Variants in NPR2 observed in about 807,000 individuals in gnomAD.
NPR2 encodes natriuretic peptide receptor 2.
Under a neutral mutation model 120.7 loss-of-function variants are expected in NPR2, and 49 were observed. The observed-to-expected ratio is 0.41, with a 90% CI of 0.32 to 0.52. The LOEUF is 0.52. Among genes scored for constraint, NPR2 ranks in the 20% least tolerant of loss-of-function variants. The probability of loss-of-function intolerance (pLI) is 0.36; values close to 1 mark genes in which losing one functional copy is unlikely to be tolerated. For synonymous variants in NPR2, 484 were observed against 519.8 expected (o/e 0.93, Z 0.94); for missense variants, 931 against 1,362.9 (o/e 0.68, Z 4.99).
rs937721911 is a variant in NPR2 at position 35,809,088 on chromosome 9, C to T, written c.2987-68C>T. ...GGTCGGGCACGGTGCTATACAGTAT[C>T]ACCAATTATTTGATTGCCTTTTCTT... On this transcript the variant is annotated intron_variant, in intron 20 of 21. Transcript: ENST00000342694. This position sits in a 1 kb window ranked among gnomAD's most constrained non-coding sequence, Gnocchi z 4.1. 3 of 1,423,062 alleles carry T rather than the reference C, an allele frequency of 2.1e-6. No individual in the cohort carries two copies. Among genetic ancestry groups the T allele is most frequent in the Non-Finnish European group, 2.0e-6 (2 of 1,007,520 alleles). The allele number at this position is 1,423,062 out of a possible 1,614,324, so 88.2% of individuals were successfully genotyped here.
intron 2 of NPR2, among the ~76,000 whole-genome samples, chr9:35,797,606 C>T (rs1455848739): frequency 6.6e-6 from 1 of 152,220 alleles, no homozygotes; most frequent in Non-Finnish European, 1.5e-5. Flanking sequence ...CCCACCACTG[C>T]ACCCATTTGT....
chr9:35,804,512 C>T (rs1475504460), intron 12 of NPR2, among the ~76,000 whole-genome samples: 1 of 152,188 alleles, frequency 6.6e-6, no homozygotes, highest in Non-Finnish European at 1.5e-5. Context: ...GGATTACAGG[C>T]ATGAGCCACT....
At position 35,792,822 on chromosome 9, in the gene NPR2, C is replaced by T. The variant is rs563276788; in HGVS notation, c.414C>T (p.Thr138=). The T allele has an allele frequency of 1.2e-6, 2 of 1,614,164 alleles. No individual in the cohort carries two copies. Among genetic ancestry groups the T allele is most frequent in the East Asian group, 2.2e-5 (1 of 44,878 alleles). Residue 138 remains threonine, a synonymous_variant, in exon 1 of 22, where the codon ACC becomes ACT. Transcript: ENST00000342694. ...GFSAKNDHYR[T]LVRTGPSAPK... ...CGGCTAAGAATGACCATTATCGTAC[C>T]CTGGTTCGCACTGGCCCCTCTGCTC...
Position 35,808,078 on chromosome 9 carries a change from T to C in NPR2, c.2713-431T>C. 2 of 886,120 alleles carry C rather than the reference T, an allele frequency of 2.3e-6. No homozygotes were observed. Among genetic ancestry groups the C allele is most frequent in the African/African-American group, 1.7e-5 (1 of 60,508 alleles). 54.9% of individuals were successfully genotyped at this position (886,120 alleles called of 1,614,324 possible). On this transcript the variant is annotated intron_variant, in intron 18 of 21. Transcript: ENST00000342694. The surrounding 1 kb of genome is among the most constrained non-coding windows in gnomAD (Gnocchi z 4.0). Reference sequence around the variant, plus strand: ...AAACAATGGCATTTATTCTCTTACATAGCTTTGGCACAATTACCAAAATCA... The same window carrying C: ...AAACAATGGCATTTATTCTCTTACACAGCTTTGGCACAATTACCAAAATCA...
Position 35,793,137 on chromosome 9 carries a change from A to G in NPR2, c.667+62A>G, listed in dbSNP as rs1253630729. ...GAGGGTCGCTGTGTCCCTAAAGCTC[A>G]GCACTGGGGAACTGTAGATGGAGAT... On this transcript the variant is annotated intron_variant, in intron 1 of 21. Transcript: ENST00000342694. 3 of 1,472,558 alleles carry G rather than the reference A, an allele frequency of 2.0e-6. No individual in the cohort carries two copies. In the East Asian group the frequency reaches 7.0e-5, roughly 34 times the overall value. 91.2% of individuals were successfully genotyped at this position (1,472,558 alleles called of 1,614,324 possible). A position where few individuals can be genotyped will look rare whatever the true frequency, so the allele number is the denominator to read the frequency against.
rs1563987161 is a variant in NPR2, at chr9:35,800,375, C to A, written c.1124-14C>A. On this transcript the variant is annotated splice_polypyrimidine_tract_variant and intron_variant, in intron 4 of 21. Coordinates refer to ENST00000342694, the MANE Select transcript of NPR2 (RefSeq NM_003995.4). The surrounding 1 kb of genome is among the most constrained non-coding windows in gnomAD (Gnocchi z 4.7). The stretch of plus-strand genomic sequence containing the variant: ...GGGTAGACCTCAAAGAAAGGACACT[C>A]TTTTCTGTCTTAGGTGTAACTGGGC... 6.2e-7 allele frequency: 1 copy of A among 1,610,950 alleles called. No homozygotes were observed. Among genetic ancestry groups the A allele is most frequent in the Non-Finnish European group, 8.5e-7 (1 of 1,177,156 alleles).
In NPR2 at chr9:35,802,035, T is replaced by G; in HGVS notation, c.1632+35T>G. 6.3e-7 allele frequency: 1 copy of G among 1,592,798 alleles called. No individual in the cohort carries two copies. Among genetic ancestry groups the G allele is most frequent in the Non-Finnish European group, 8.6e-7 (1 of 1,160,488 alleles). ...CATTTGCTTGTTCTGGTCCCCACCA[T>G]TTCATCCTGTCTCATCCCCATCTGC... On this transcript the variant is annotated intron_variant, in intron 9 of 21. Transcript: ENST00000342694. This position sits in a 1 kb window ranked among gnomAD's most constrained non-coding sequence, Gnocchi z 4.2.
Position 35,806,403 on chromosome 9 carries a change from C to T in NPR2, c.2384C>T (p.Thr795Ile). 6.2e-7 allele frequency: 1 copy of T among 1,613,936 alleles called. No individual in the cohort carries two copies. The change falls in exon 16 of 22, where the codon ACC becomes ATC. Residue 795 changes from threonine to isoleucine, a missense_variant. Physicochemically the swap from Thr to Ile is moderately conservative, Grantham distance 89. Transcript: ENST00000342694. This position sits in a 1 kb window ranked among gnomAD's most constrained non-coding sequence, Gnocchi z 4.6. ...FIRRFNKEGG[T>I]SILDNLLLRM... ...TGGCCTCCCTCTAGGGAGGGTGGCA[C>T]CAGCATATTGGACAACCTCCTGCTG...
Position 35,808,954 on chromosome 9 carries a change from C to A in NPR2, c.2986+101C>A. On this transcript the variant is annotated intron_variant, in intron 20 of 21. Coordinates refer to ENST00000342694, the MANE Select transcript of NPR2 (RefSeq NM_003995.4). This position sits in a 1 kb window ranked among gnomAD's most constrained non-coding sequence, Gnocchi z 4.0. ...TTTCTTAATCTGAGAGACCACAGTT[C>A]CTTAGTGTCGCATCCTCGGGCATAT... 1.0e-6 allele frequency: 1 copy of A among 959,144 alleles called. No homozygotes were observed. The highest frequency in any genetic ancestry group is 1.7e-6 in the Non-Finnish European group (1 of 587,230). The allele number at this position is 959,144 out of a possible 1,614,324, so 59.4% of individuals were successfully genotyped here.
rs1588071089 is a variant in NPR2 at position 35,808,033 on chromosome 9, C to T, written c.2713-476C>T. ...ATACTTAGTGTGTATTTCCTAAAAA[C>T]TTCACTGTGTATTTCCTTAAAACAA... On this transcript the variant is annotated intron_variant, in intron 18 of 21. Coordinates refer to ENST00000342694, the MANE Select transcript of NPR2 (RefSeq NM_003995.4). This position sits in a 1 kb window ranked among gnomAD's most constrained non-coding sequence, Gnocchi z 4.0. The T allele has an allele frequency of 4.4e-6, 3 of 680,878 alleles. No individual in the cohort carries two copies. The highest frequency in any genetic ancestry group is 5.0e-5 in the East Asian group (2 of 40,116). 42.2% of individuals were successfully genotyped at this position (680,878 alleles called of 1,614,324 possible). A position where few individuals can be genotyped will look rare whatever the true frequency, so the allele number is the denominator to read the frequency against.
intron 7 of NPR2, among the ~76,000 whole-genome samples, 181 bp downstream of exon 7, chr9:35,801,335 GTGTT>G (rs1364045414): frequency 2.0e-5 from 3 of 152,200 alleles, no homozygotes; most frequent in Non-Finnish European, 4.4e-5. Context: ...CTTAGCCTAG[GTGTT>G]TGTTCCACTT....
chr9:35,792,351 C>T lies in NPR2; in HGVS notation c.-58C>T. 6.4e-7 allele frequency: 1 copy of T among 1,568,562 alleles called. No homozygotes were observed. The highest frequency in any genetic ancestry group is 8.6e-7 in the Non-Finnish European group (1 of 1,157,856). ...CCAGGCTGGGGGGTGCTCGCGTCTC[C>T]CCTGTAGGCCAGAGCAGCCCCAAGT... On this transcript the variant is annotated 5_prime_UTR_variant, in exon 1 of 22. Transcript: ENST00000342694.
In NPR2 at chr9:35,808,210, C is replaced by T; in HGVS notation, c.2713-299C>T. ...GTCCTCTTGAGTTACCGTTTTCTTG[C>T]TTCCCATTTCCTGATGGCAGAGCCT... is the stretch of plus-strand genomic sequence containing the variant. On this transcript the variant is annotated intron_variant, in intron 18 of 21. Transcript: ENST00000342694. The surrounding 1 kb of genome is among the most constrained non-coding windows in gnomAD (Gnocchi z 4.0). The T allele has an allele frequency of 2.5e-6, 4 of 1,614,176 alleles. No homozygotes were observed. The highest frequency in any genetic ancestry group is 3.4e-6 in the Non-Finnish European group (4 of 1,180,012).
chr9:35,809,625 C>T lies in NPR2; in HGVS notation c.*180C>T. The T allele has an allele frequency of 8.8e-7, 1 of 1,133,252 alleles. No homozygotes were observed. The highest frequency in any genetic ancestry group is 1.7e-5 in the Admixed American group (1 of 59,476). 70.2% of individuals were successfully genotyped at this position (1,133,252 alleles called of 1,614,324 possible). ...AGCTCAGCCCTGTACATATACCTGT[C>T]CCTCTCTGGCTTGGTCCCCTTCCTC... On this transcript the variant is annotated 3_prime_UTR_variant, in exon 22 of 22. Transcript: ENST00000342694. The surrounding 1 kb of genome is among the most constrained non-coding windows in gnomAD (Gnocchi z 4.1).
In NPR2 at chr9:35,792,584, C is replaced by T; in HGVS notation, c.176C>T (p.Ala59Val). ...VALAVEALGR[A>V]LPVDLRFVSS... ...CTAGCTGTGGAGGCTCTGGGCCGGG[C>T]ACTGCCCGTGGACCTGCGGTTTGTC... Residue 59 changes from alanine (A) to valine (V), a missense_variant, in exon 1 of 22, where the codon GCA (alanine) becomes GTA (valine). Ala to Val is a moderately conservative substitution (Grantham distance 64). Coordinates refer to ENST00000342694, the MANE Select transcript of NPR2 (RefSeq NM_003995.4). 2 of 1,613,148 alleles carry T rather than the reference C, an allele frequency of 1.2e-6. No individual in the cohort carries two copies. Among genetic ancestry groups the T allele is most frequent in the South Asian group, 1.1e-5 (1 of 91,080 alleles).
chr9:35,794,032 C>T lies in NPR2; in HGVS notation c.802C>T (p.Arg268Cys). ...GGAGAGTCTCCGTGCAGGCCCCACACGTGCTACAGGCCGGCCCTGGCAGGA... is the reference window on the plus strand; with the variant it reads ...GGAGAGTCTCCGTGCAGGCCCCACATGTGCTACAGGCCGGCCCTGGCAGGA... Reference protein sequence around the residue: ...FGESLRAGPTRATGRPWQDNR... With the variant: ...FGESLRAGPTCATGRPWQDNR... Residue 268 changes from arginine (R) to cysteine (C), a missense_variant, in exon 2 of 22, where the codon CGT becomes TGT. By Grantham distance (180) the Arg-to-Cys change is radical. Around this residue, in one of 3 missense-constraint regions of NPR2, gnomAD observed 681 missense variants for 974.3 expected, o/e 0.70. Transcript: ENST00000342694. The T allele has an allele frequency of 1.9e-6, 3 of 1,614,228 alleles. No individual in the cohort carries two copies. Among genetic ancestry groups the T allele is most frequent in the Non-Finnish European group, 2.5e-6 (3 of 1,180,038 alleles).
rs1563995106 is a variant in NPR2 at position 35,809,487 on chromosome 9, A to G, written c.*42A>G. ...AGTCAGATAGTCTTCTGCTGCTGGTACCTGGGTGGGCAATGGCCACCATGT... is the reference window on the plus strand; with the variant it reads ...AGTCAGATAGTCTTCTGCTGCTGGTGCCTGGGTGGGCAATGGCCACCATGT... On this transcript the variant is annotated 3_prime_UTR_variant, in exon 22 of 22. Coordinates refer to ENST00000342694, the MANE Select transcript of NPR2 (RefSeq NM_003995.4). This position sits in a 1 kb window ranked among gnomAD's most constrained non-coding sequence, Gnocchi z 4.1. The G allele has an allele frequency of 1.2e-6, 2 of 1,614,024 alleles. No homozygotes were observed. Among genetic ancestry groups the G allele is most frequent in the Non-Finnish European group, 1.7e-6 (2 of 1,180,004 alleles).
Position 35,794,096 on chromosome 9 carries a change from C to T in NPR2, c.866C>T (p.Ala289Val), listed in dbSNP as rs915823109. ...GAACAGGCCCAGGCCCTCAGAGAGG[C>T]CTTTCAGGTATCATTTGAGCCAAAT... Reference protein sequence around the residue: ...TREQAQALREAFQTVLVITYR... With the variant: ...TREQAQALREVFQTVLVITYR... The change falls in exon 2 of 22, where the codon GCC (alanine) becomes GTC (valine). Residue 289 changes from alanine to valine, a missense_variant. By Grantham distance (64) the Ala-to-Val change is moderately conservative. This residue lies in a region of NPR2 where 681 missense variants were observed against 974.3 expected (regional missense o/e 0.70). Coordinates refer to ENST00000342694, the MANE Select transcript of NPR2 (RefSeq NM_003995.4). The T allele has an allele frequency of 6.2e-7, 1 of 1,613,456 alleles. No individual in the cohort carries two copies. Among genetic ancestry groups the T allele is most frequent in the Non-Finnish European group, 8.5e-7 (1 of 1,179,620 alleles).
intron 17 of NPR2, 22 bp downstream of exon 17, chr9:35,807,168 TGGCGGGTGGGGTTG>T: frequency 3.1e-6 from 1 of 326,190 alleles, no homozygotes; most frequent in Non-Finnish European, 5.7e-6. Flanking sequence ...GGGTGAGAGG[TGGCGGGTGGGGTTG>T]GGTGGGTAGG....
Sources: gnomAD v4.1 joint callset for allele counts (sites outside exome capture counted in the v4.1 genomes callset) on GRCh38, gnomAD v4.1.1 for gene constraint, gnomAD v4.1.1 regional missense constraint, Gnocchi (gnomAD v3.1) non-coding constraint, MANE v1.5 for transcripts, NCBI Gene and HGNC (gene_info 2026-07-23, HGNC 2026-07-21) for gene names.